CSMD1: variants seen among roughly 807,000 people sequenced by gnomAD.
CSMD1 encodes CUB and Sushi multiple domains 1.
A neutral mutation model predicts 417.5 loss-of-function variants in CSMD1; 213 were observed. That is an observed-to-expected ratio of 0.51 (90% CI 0.46 to 0.57). The LOEUF is 0.57. Ranked by LOEUF, CSMD1 falls within the 20% of genes least tolerant of loss-of-function variation. The probability of loss-of-function intolerance (pLI) is 0.00; values close to 1 mark genes in which losing one functional copy is unlikely to be tolerated. For synonymous variants in CSMD1, 2,862 were observed against 1,736.8 expected (o/e 1.65, Z -16.11); for missense variants, 6,923 against 4,529.7 (o/e 1.53, Z -15.17).
chr8:4,840,259 G>T lies in CSMD1; in HGVS notation c.85+154073C>A, dbSNP rs185632503. On this transcript the variant is annotated intron_variant, in intron 1 of 69. Transcript: ENST00000635120. ...ACATCGCCAGCTGATAGCCCTTTCAGGTAAAGTATTCCTGCTTTAAGATGT... is the reference window on the plus strand; with the variant it reads ...ACATCGCCAGCTGATAGCCCTTTCATGTAAAGTATTCCTGCTTTAAGATGT... 2.0e-4 allele frequency among the ~76,000 whole-genome samples: 16 copies of T among 80,038 alleles called. No homozygotes were observed. In the East Asian group the frequency reaches 6.9e-3, roughly 35 times the overall value. 52.5% of individuals were successfully genotyped at this position (80,038 alleles called of 152,430 possible).
At chr8:4,173,821 G>A (rs990439628) in intron 3 of CSMD1, among the ~76,000 whole-genome samples, 1 of 152,130 alleles carries the variant, frequency 6.6e-6, no homozygotes, top group Non-Finnish European at 1.5e-5. Context: ...GGAACAATCT[G>A]ATCAGGCTTC....
intron 3 of CSMD1, among the ~76,000 whole-genome samples, chr8:4,417,520 A>T (rs1242326704): frequency 1.3e-5 from 2 of 152,020 alleles, no homozygotes; most frequent in Non-Finnish European, 2.9e-5. Context: ...TTAGTTAAAT[A>T]AAAAAACATG....
At chr8:3,438,061 T>A (rs746929348) in intron 12 of CSMD1, among the ~76,000 whole-genome samples, 1 of 152,212 alleles carries the variant, frequency 6.6e-6, no homozygotes, top group Non-Finnish European at 1.5e-5. Flanking sequence ...TAAGTATCCA[T>A]AGAATTTACC....
chr8:3,515,836 G>A (rs1034919053), intron 10 of CSMD1, among the ~76,000 whole-genome samples: 11 of 152,188 alleles, frequency 7.2e-5, no homozygotes, highest in African/African-American at 2.7e-4. Flanking sequence ...TTATACATAC[G>A]GAAAGAAAAC....
intron 2 of CSMD1, among the ~76,000 whole-genome samples, chr8:4,543,498 T>C (rs1278501521): frequency 6.6e-6 from 1 of 152,126 alleles, no homozygotes; most frequent in Non-Finnish European, 1.5e-5. Flanking sequence ...TGAATAATTT[T>C]GATTATCTGT....
At chr8:3,354,254 T>C (rs1808595808) in intron 21 of CSMD1, among the ~76,000 whole-genome samples, 1 of 152,180 alleles carries the variant, frequency 6.6e-6, no homozygotes, top group African/African-American at 2.4e-5. Flanking sequence ...CTCGAGCCTA[T>C]ACAATGCCTC....
At chr8:3,062,880 G>A (rs960920805) in intron 49 of CSMD1, among the ~76,000 whole-genome samples, 1 of 152,118 alleles carries the variant, frequency 6.6e-6, no homozygotes, top group Non-Finnish European at 1.5e-5. Flanking sequence ...TCTACTTTTA[G>A]AGTGTTGTTC....
intron 12 of CSMD1, among the ~76,000 whole-genome samples, chr8:3,456,579 T>C (rs985679386): frequency 6.6e-6 from 1 of 152,204 alleles, no homozygotes; most frequent in Non-Finnish European, 1.5e-5. Context: ...CTTCCTACTA[T>C]GCCAAAACCT....
chr8:4,288,274 A>G (rs11787185), intron 3 of CSMD1, among the ~76,000 whole-genome samples: 1 of 151,884 alleles, frequency 6.6e-6, no homozygotes, highest in Non-Finnish European at 1.5e-5. Flanking sequence ...CCCACTGGGA[A>G]CAGTAAGCTC....
At chr8:3,759,845 T>G (rs546429013) in intron 5 of CSMD1, among the ~76,000 whole-genome samples, 2 of 146,502 alleles carry the variant, frequency 1.4e-5, no homozygotes, top group African/African-American at 2.5e-5. Flanking sequence ...GAGGCAGAGG[T>G]TGCAGTGACC....
chr8:3,075,425 G>A (rs190441608), intron 49 of CSMD1, among the ~76,000 whole-genome samples: 330 of 151,916 alleles, frequency 2.2e-3, no homozygotes, highest in African/African-American at 7.6e-3. Flanking sequence ...GGGATTACAG[G>A]CATGCACCAC....
chr8:4,342,351 G>A (rs910049111), intron 3 of CSMD1, among the ~76,000 whole-genome samples: 5 of 152,170 alleles, frequency 3.3e-5, no homozygotes, highest in African/African-American at 7.2e-5. Flanking sequence ...AGAAAAATAT[G>A]TGTATACATT....
At chr8:3,616,092 T>C (rs995268790) in intron 8 of CSMD1, among the ~76,000 whole-genome samples, 3 of 152,174 alleles carry the variant, frequency 2.0e-5, no homozygotes, top group Non-Finnish European at 2.9e-5. Flanking sequence ...GAGGAGATAA[T>C]TAAATATTTT....
intron 3 of CSMD1, among the ~76,000 whole-genome samples, chr8:4,406,878 G>A (rs1202980718): frequency 1.7e-4 from 26 of 152,118 alleles, no homozygotes; most frequent in Non-Finnish European, 4.4e-5. Context: ...TCGTATTGAG[G>A]GCCATTTACT....
chr8:4,571,391 C>T (rs1330669787), intron 2 of CSMD1, among the ~76,000 whole-genome samples: 11 of 152,088 alleles, frequency 7.2e-5, no homozygotes, highest in African/African-American at 1.7e-4. Flanking sequence ...GCCTTAATTT[C>T]GTTATTTACC....
At chr8:3,500,787 G>C (rs990796233) in intron 10 of CSMD1, among the ~76,000 whole-genome samples, 5 of 152,162 alleles carry the variant, frequency 3.3e-5, no homozygotes, top group African/African-American at 7.2e-5. Flanking sequence ...CAGAGTTGTA[G>C]GCATGGAAGA....
chr8:3,671,367 G>A (rs1038079503), intron 7 of CSMD1, among the ~76,000 whole-genome samples: 4 of 147,418 alleles, frequency 2.7e-5, no homozygotes, highest in African/African-American at 7.4e-5. Flanking sequence ...TTCATAAATT[G>A]CCTGAAAACT....
chr8:4,329,019 T>C (rs1585242734), intron 3 of CSMD1, among the ~76,000 whole-genome samples: 1 of 152,192 alleles, frequency 6.6e-6, no homozygotes, highest in African/African-American at 2.4e-5. Context: ...GCTTCCAACA[T>C]CAATCTTCCT....
chr8:3,378,032 T>C (rs1408562376), intron 18 of CSMD1, among the ~76,000 whole-genome samples: 1 of 152,170 alleles, frequency 6.6e-6, no homozygotes, highest in East Asian at 1.9e-4. Context: ...GACCTGGTCT[T>C]GGAGGTTGAA....
Sources: allele counts gnomAD v4.1 joint callset (sites outside exome capture counted in the v4.1 genomes callset), GRCh38; gene constraint gnomAD v4.1.1; transcripts MANE v1.5; gene names NCBI Gene and HGNC (gene_info 2026-07-23, HGNC 2026-07-21).